Variants in VCPIP1 observed in about 807,000 individuals in gnomAD.
VCPIP1 encodes deubiquitinating protein VCPIP1.
A neutral mutation model predicts 85.0 loss-of-function variants in VCPIP1; 8 were observed. That is an observed-to-expected ratio of 0.09 (90% CI 0.06 to 0.17). The LOEUF (loss-of-function observed/expected upper bound fraction) is 0.17. VCPIP1 is among the 10% of genes least tolerant of loss of function. The pLI, the probability that VCPIP1 is intolerant of heterozygous loss-of-function variation, is 1.00. For synonymous variants in VCPIP1, 543 were observed against 544.5 expected, an observed-to-expected ratio of 1.00 and a Z score of 0.04; for missense variants, 1,070 against 1,486.3, an observed-to-expected ratio of 0.72 and a Z score of 4.61.
intron 1 of VCPIP1, among the ~76,000 whole-genome samples, chr8:66,655,977 G>T (rs544196135): frequency 6.6e-5 from 10 of 152,090 alleles, no homozygotes; most frequent in African/African-American, 2.2e-4. Context: ...TGAAACAGTA[G>T]CTATATATGG....
intron 2 of VCPIP1, 42 bp downstream of exon 2, chr8:66,651,416 C>T: frequency 1.4e-6 from 2 of 1,416,432 alleles, no homozygotes; most frequent in Non-Finnish European, 9.8e-7. Flanking sequence ...AAAACAGCTT[C>T]AGTAGAGCTA....
chr8:66,649,049 G>A (rs1311804245), intron 2 of VCPIP1, among the ~76,000 whole-genome samples: 1 of 152,052 alleles, frequency 6.6e-6, no homozygotes, highest in Non-Finnish European at 1.5e-5. Flanking sequence ...TGTAGTCCCA[G>A]CTACTCAGTA....
rs532908898 is a variant in VCPIP1 at position 66,632,572 on chromosome 8, T to C, written c.*1929A>G. The stretch of plus-strand genomic sequence containing the variant: ...GGTATTTTATGTTAATGCTATGAGA[T>C]ATCTGTCAGTTATCAATGAAGAAAA... On this transcript the variant is annotated 3_prime_UTR_variant, in exon 3 of 3. Coordinates refer to ENST00000310421, the MANE Select transcript of VCPIP1 (RefSeq NM_025054.5). 6.6e-6 allele frequency: 1 copy of C among 152,266 alleles called. No individual in the cohort carries two copies. The highest frequency in any genetic ancestry group is 2.1e-4 in the South Asian group (1 of 4,834). The allele number at this position is 152,266 out of a possible 1,614,324, so 9.4% of individuals were successfully genotyped here.
intron 2 of VCPIP1, among the ~76,000 whole-genome samples, chr8:66,638,970 C>CTCTATATATATATATATA: frequency 2.4e-4 from 28 of 118,432 alleles, no homozygotes; most frequent in African/African-American, 9.7e-4. Context: ...CTCTCTCTCT[C>CTCTATATATATATATATA]TATATATATA....
intron 1 of VCPIP1, among the ~76,000 whole-genome samples, chr8:66,654,821 T>TA (rs1168531054): frequency 6.6e-6 from 1 of 152,182 alleles, no homozygotes; most frequent in African/African-American, 2.4e-5. Flanking sequence ...CCCTCCTCTA[T>TA]ACAGCATTCA....
At chr8:66,636,499 C>G (rs1563566055) in intron 2 of VCPIP1, among the ~76,000 whole-genome samples, 1 of 152,082 alleles carries the variant, frequency 6.6e-6, no homozygotes, top group South Asian at 2.1e-4. Context: ...AATCCCAGCA[C>G]TTTGGGAGGC....
intron 2 of VCPIP1, among the ~76,000 whole-genome samples, chr8:66,638,970 C>CTCTCTCTCTCTCTCTCTCTATATATATA: frequency 1.4e-4 from 16 of 118,426 alleles, no homozygotes; most frequent in Middle Eastern, 4.0e-3. Context: ...CTCTCTCTCT[C>CTCTCTCTCTCTCTCTCTCTATATATATA]TATATATATA....
At chr8:66,655,702 A>G (rs1811093406) in intron 1 of VCPIP1, among the ~76,000 whole-genome samples, 1 of 152,080 alleles carries the variant, frequency 6.6e-6, no homozygotes, top group South Asian at 2.1e-4. Context: ...GCAAAAAAAA[A>G]GGGAAATAGT....
chr8:66,646,853 G>A (rs992774377), intron 2 of VCPIP1, among the ~76,000 whole-genome samples: 43 of 149,440 alleles, frequency 2.9e-4, no homozygotes, highest in Admixed American at 2.5e-3. Context: ...GTGAAACCCC[G>A]TCTCTACTAA....
chr8:66,667,128 CTCT>C lies in VCPIP1; in HGVS notation c.-173_-171del. On this transcript the variant is annotated 5_prime_UTR_variant, in exon 1 of 3. Coordinates refer to ENST00000310421, the MANE Select transcript of VCPIP1 (RefSeq NM_025054.5). ...AAGGCGGAAGCGCCGGACGTTGTTT[CTCT>C]TCTTACTTCTCCACTGCCGTAGCCG... The C allele has an allele frequency of 7.3e-7, 1 of 1,369,768 alleles. No homozygotes were observed. The highest frequency in any genetic ancestry group is 9.5e-7 in the Non-Finnish European group (1 of 1,052,684). 84.9% of individuals were successfully genotyped at this position (1,369,768 alleles called of 1,614,324 possible).
chr8:66,636,536 A>T (rs1185905907), intron 2 of VCPIP1, among the ~76,000 whole-genome samples: 2 of 151,936 alleles, frequency 1.3e-5, no homozygotes, highest in African/African-American at 4.8e-5. Context: ...TGAGGTCAGG[A>T]GTTTGAGACC....
rs776028535 is a variant in VCPIP1, at chr8:66,634,522, A to G, written c.3648T>C (p.Thr1216=). The change falls in exon 3 of 3, where the codon ACT becomes ACC. Residue 1216 remains threonine, a synonymous_variant. Coordinates refer to ENST00000310421, the MANE Select transcript of VCPIP1 (RefSeq NM_025054.5). ...DSQDAEMTNT[T]EPMDHS ...TAAATCAAGAGTGATCCATTGGCTC[A>G]GTTGTGTTAGTCATCTCAGCATCTT... is the stretch of plus-strand genomic sequence containing the variant. 6.2e-7 allele frequency: 1 copy of G among 1,604,990 alleles called. No homozygotes were observed. The highest frequency in any genetic ancestry group is 8.5e-7 in the Non-Finnish European group (1 of 1,176,112).
intron 2 of VCPIP1, among the ~76,000 whole-genome samples, chr8:66,639,143 C>A (rs575836055): frequency 3.3e-5 from 5 of 151,168 alleles, no homozygotes; most frequent in Admixed American, 3.3e-4. Flanking sequence ...TGCCACCACA[C>A]CTGGCCAATT....
In VCPIP1 at chr8:66,629,061, AG is replaced by A. The variant is rs796119451; in HGVS notation, c.*5439del. On this transcript the variant is annotated 3_prime_UTR_variant, in exon 3 of 3. Coordinates refer to ENST00000310421, the MANE Select transcript of VCPIP1 (RefSeq NM_025054.5). ...TTATTTAAATAATGTGTGCCCTGTG[AG>A]GATTTATCCCACTTAATGGCAACTG... is the stretch of plus-strand genomic sequence containing the variant. 1.8e-4 allele frequency: 28 copies of A among 152,340 alleles called. No homozygotes were observed. Among genetic ancestry groups the A allele is most frequent in the African/African-American group, 6.7e-4 (28 of 41,578 alleles). The allele number at this position is 152,340 out of a possible 1,614,324, so 9.4% of individuals were successfully genotyped here. A position where few individuals can be genotyped will look rare whatever the true frequency, so the allele number is the denominator to read the frequency against.
At chr8:66,662,230 T>C in intron 1 of VCPIP1, among the ~76,000 whole-genome samples, 1 of 152,202 alleles carries the variant, frequency 6.6e-6, no homozygotes, top group Non-Finnish European at 1.5e-5. Flanking sequence ...AATAGATGCC[T>C]GATGAACATG....
intron 2 of VCPIP1, among the ~76,000 whole-genome samples, chr8:66,642,255 A>G (rs1810955308): frequency 6.6e-6 from 1 of 152,142 alleles, no homozygotes; most frequent in Non-Finnish European, 1.5e-5. Context: ...AGAGAAATTT[A>G]TTCATATCTT....
chr8:66,660,826 C>T (rs1391611056), intron 1 of VCPIP1, among the ~76,000 whole-genome samples: 1 of 151,866 alleles, frequency 6.6e-6, no homozygotes, highest in East Asian at 1.9e-4. Context: ...GGCGGATCCC[C>T]TGAGGTCGGG....
rs886259745 is a variant in VCPIP1, at chr8:66,667,034, G to C, written c.-76C>G. The C allele has an allele frequency of 3.3e-5, 47 of 1,440,636 alleles. No individual in the cohort carries two copies. The East Asian group carries it at 4.0e-4, about 12-fold the overall frequency. The allele number at this position is 1,440,636 out of a possible 1,614,324, so 89.2% of individuals were successfully genotyped here. A position where few individuals can be genotyped will look rare whatever the true frequency, so the allele number is the denominator to read the frequency against. On this transcript the variant is annotated 5_prime_UTR_variant, in exon 1 of 3. Transcript: ENST00000310421. ...TCATAGCCCAGACCCCCACCAACCC[G>C]ACTCGGTCCAGTCCAGGCCCAGGGC...
chr8:66,653,017 A>AG (rs1811068262), intron 1 of VCPIP1, among the ~76,000 whole-genome samples: 1 of 152,248 alleles, frequency 6.6e-6, no homozygotes, highest in Non-Finnish European at 1.5e-5. Context: ...TCAGAGTTCT[A>AG]ATCCCACCTC....
Sources: allele counts gnomAD v4.1 joint callset (sites outside exome capture counted in the v4.1 genomes callset), GRCh38; gene constraint gnomAD v4.1.1; transcripts MANE v1.5; gene names NCBI Gene and HGNC (gene_info 2026-07-23, HGNC 2026-07-21).